The following GPC5 variants were observed in gnomAD, a reference collection of about 807,000 sequenced individuals.
GPC5 encodes glypican 5, also known as glypican-5.
Under a neutral mutation model 53.9 loss-of-function variants are expected in GPC5, and 47 were observed. The observed-to-expected ratio is 0.87, with a 90% confidence interval of 0.69 to 1.11. The LOEUF is 1.11. GPC5 is among the 50% of genes most tolerant of loss of function. The pLI, the probability that GPC5 is intolerant of heterozygous loss-of-function variation, is 0.00. For synonymous variants in GPC5, 286 were observed against 263.3 expected (o/e 1.09, Z -0.84); for missense variants, 748 against 713.1 (o/e 1.05, Z -0.56).
chr13:92,468,577 T>C (rs576833826), intron 7 of GPC5, among the ~76,000 whole-genome samples: 3 of 152,146 alleles, frequency 2.0e-5, no homozygotes, highest in Non-Finnish European at 2.9e-5. Context: ...ATTTGGAAAC[T>C]ATTTGTATTT....
chr13:92,838,500 G>A (rs1174647831), intron 7 of GPC5, among the ~76,000 whole-genome samples: 18 of 143,636 alleles, frequency 1.3e-4, no homozygotes, highest in South Asian at 4.6e-4. Flanking sequence ...AAAAAAAAAA[G>A]AAAAAAAAGA....
At chr13:92,423,730 T>G (rs540624476) in intron 7 of GPC5, among the ~76,000 whole-genome samples, 2 of 152,288 alleles carry the variant, frequency 1.3e-5, no homozygotes, top group Non-Finnish European at 2.9e-5. Context: ...CCATTTCACA[T>G]CCCTGTAGCC....
intron 1 of GPC5, among the ~76,000 whole-genome samples, chr13:91,425,440 G>C (rs549557512): frequency 1.3e-5 from 2 of 152,216 alleles, no homozygotes; most frequent in African/African-American, 4.8e-5. Flanking sequence ...GATCATGGGA[G>C]CAGTTTCCCC....
intron 6 of GPC5, among the ~76,000 whole-genome samples, chr13:92,033,706 A>G (rs1008744770): frequency 2.0e-5 from 3 of 152,198 alleles, no homozygotes; most frequent in Admixed American, 6.5e-5. Flanking sequence ...GTTATATGGG[A>G]TGCTTTTAAC....
At chr13:92,177,042 C>T (rs2042113844) in intron 7 of GPC5, among the ~76,000 whole-genome samples, 1 of 152,074 alleles carries the variant, frequency 6.6e-6, no homozygotes, top group African/African-American at 2.4e-5. Context: ...ATTTTGGATA[C>T]CCTTATTTCC....
chr13:91,632,102 A>C (rs910214098), intron 2 of GPC5, among the ~76,000 whole-genome samples: 1 of 152,174 alleles, frequency 6.6e-6, no homozygotes, highest in Non-Finnish European at 1.5e-5. Context: ...CTGTGGAGAG[A>C]TGTCCTTTTA....
chr13:91,488,127 C>G (rs956541623), intron 2 of GPC5, among the ~76,000 whole-genome samples: 2 of 151,898 alleles, frequency 1.3e-5, no homozygotes, highest in Admixed American at 1.3e-4. Context: ...GAGAAAGGAA[C>G]CTGTTGTTCC....
intron 5 of GPC5, among the ~76,000 whole-genome samples, chr13:91,890,299 G>C (rs897253824): frequency 6.6e-6 from 1 of 152,042 alleles, no homozygotes; most frequent in Non-Finnish European, 1.5e-5. Context: ...CATTTGGCAG[G>C]CTCTATTTTT....
At chr13:92,708,602 A>T (rs1470633143) in intron 7 of GPC5, among the ~76,000 whole-genome samples, 2 of 152,060 alleles carry the variant, frequency 1.3e-5, no homozygotes, top group East Asian at 3.9e-4. Context: ...GTAATGCTAA[A>T]TGTGTTATAA....
At chr13:91,542,920 G>A (rs1352599598) in intron 2 of GPC5, among the ~76,000 whole-genome samples, 2 of 142,930 alleles carry the variant, frequency 1.4e-5, no homozygotes, top group South Asian at 2.2e-4. Flanking sequence ...GCAGTGCCGC[G>A]ATCTCAGCTC....
intron 7 of GPC5, among the ~76,000 whole-genome samples, chr13:92,731,962 GT>G (rs1337635436): frequency 6.6e-6 from 1 of 151,534 alleles, no homozygotes; most frequent in Middle Eastern, 3.4e-3. Context: ...CCATGGGATT[GT>G]GTGAGGGGAG....
At chr13:91,891,864 A>G (rs1167069156) in intron 5 of GPC5, among the ~76,000 whole-genome samples, 3 of 152,096 alleles carry the variant, frequency 2.0e-5, no homozygotes, top group Non-Finnish European at 4.4e-5. Flanking sequence ...ACTTCCATTT[A>G]AGACTGCTTA....
In GPC5 at chr13:91,864,628, TTTACTTTTAA is replaced by T. The variant is rs537728158; in HGVS notation, c.1281-43308_1281-43299del. 5.3e-3 allele frequency among the ~76,000 whole-genome samples: 808 copies of T among 152,250 alleles called. 3 individuals carry two copies. Among genetic ancestry groups the T allele is most frequent in the African/African-American group, 0.019 (775 of 41,572 alleles). On this transcript the variant is annotated intron_variant, in intron 5 of 7. Transcript: ENST00000377067. ...AAAAATGAGCAAAAGTTGTTTAAGT[TTTACTTTTAA>T]GTAATATTAATTACCACTACAACAT...
intron 7 of GPC5, among the ~76,000 whole-genome samples, chr13:92,729,065 T>C (rs1888727791): frequency 6.6e-6 from 1 of 151,350 alleles, no homozygotes; most frequent in Non-Finnish European, 1.5e-5. Flanking sequence ...AATTTATCTG[T>C]ACAAGAACAA....
intron 2 of GPC5, among the ~76,000 whole-genome samples, chr13:91,629,209 T>A (rs1175777561): frequency 6.6e-6 from 1 of 152,136 alleles, no homozygotes; most frequent in Non-Finnish European, 1.5e-5. Context: ...GCCACACTTT[T>A]TACAGAAGAG....
intron 7 of GPC5, among the ~76,000 whole-genome samples, chr13:92,356,636 CA>C (rs1315416737): frequency 1.3e-5 from 2 of 152,014 alleles, no homozygotes; most frequent in African/African-American, 4.8e-5. Context: ...CTATGGTATT[CA>C]GCCCAAGAAA....
chr13:91,765,111 CTT>C (rs2037497357), intron 5 of GPC5, among the ~76,000 whole-genome samples: 1 of 152,202 alleles, frequency 6.6e-6, no homozygotes. Context: ...AGCTGCCTCT[CTT>C]TACTCTGCCA....
In GPC5 at chr13:91,497,510, C is replaced by A. The variant is rs148629512; in HGVS notation, c.325+48588C>A. On this transcript the variant is annotated intron_variant, in intron 2 of 7. Coordinates refer to ENST00000377067, the MANE Select transcript of GPC5 (RefSeq NM_004466.6). Reference sequence around the variant, plus strand: ...TCTCTTCTTCATGCCTCCCAAGTCACTTATTGATTGCATTCAGCCTGACTG... The same window carrying A: ...TCTCTTCTTCATGCCTCCCAAGTCAATTATTGATTGCATTCAGCCTGACTG... Among the ~76,000 whole-genome samples, 59 of 152,294 alleles carry A rather than the reference C, an allele frequency of 3.9e-4. 1 individual carries two copies. The East Asian group carries it at 8.5e-3, about 22-fold the overall frequency.
intron 5 of GPC5, among the ~76,000 whole-genome samples, chr13:91,818,643 T>C (rs917144468): frequency 6.6e-6 from 1 of 152,174 alleles, no homozygotes; most frequent in Non-Finnish European, 1.5e-5. Context: ...TTAAAAGACA[T>C]TCTAGCACCA....
Sources: gnomAD v4.1 joint callset for allele counts (sites outside exome capture counted in the v4.1 genomes callset) on GRCh38, gnomAD v4.1.1 for gene constraint, MANE v1.5 for transcripts, NCBI Gene and HGNC (gene_info 2026-07-23, HGNC 2026-07-21) for gene names.